The following CDH12 variants were observed in gnomAD, a reference collection of about 807,000 sequenced individuals.
CDH12 encodes the protein cadherin-12.
CDH12 carries 41 observed loss-of-function variants against 74.1 expected under a neutral mutation model. That is an observed-to-expected ratio of 0.55 (90% CI 0.43 to 0.72). CDH12 has a LOEUF of 0.72. CDH12 is among the 30% of genes least tolerant of loss of function. The pLI is 0.00. For missense variants in CDH12, 945 were observed against 977.2 expected, an observed-to-expected ratio of 0.97 and a Z score of 0.44; for synonymous variants, 399 against 355.0, an observed-to-expected ratio of 1.12 and a Z score of -1.39.
At chr5:22,117,493 A>C (rs796128304) in intron 4 of CDH12, among the ~76,000 whole-genome samples, 1 of 73,304 alleles carries the variant, frequency 1.4e-5, no homozygotes, top group Non-Finnish European at 2.4e-5. Context: ...TATATATTAT[A>C]TATATATAAT....
intron 5 of CDH12, among the ~76,000 whole-genome samples, chr5:22,048,059 G>C (rs1740087582): frequency 6.6e-6 from 1 of 152,274 alleles, no homozygotes; most frequent in African/African-American, 2.4e-5. Context: ...GGGTAGGGGT[G>C]TGAGACAGGC....
rs551565283 is a variant in CDH12 at position 21,878,604 on chromosome 5, A to G, written c.527-23814T>C. On this transcript the variant is annotated intron_variant, in intron 6 of 14. Coordinates refer to ENST00000382254, the MANE Select transcript of CDH12 (RefSeq NM_004061.5). ...AAAAAAAAAAAAAAATTAGCCAGGC[A>G]TGGTGGCATGGCCTGTGGTCCCAGC... 1.0e-4 allele frequency among the ~76,000 whole-genome samples: 15 copies of G among 146,960 alleles called. No homozygotes were observed. In the South Asian group the frequency reaches 3.0e-3, roughly 29 times the overall value.
intron 6 of CDH12, among the ~76,000 whole-genome samples, chr5:21,864,931 A>G (rs866717745): frequency 1.3e-5 from 2 of 152,342 alleles, no homozygotes; most frequent in Middle Eastern, 3.4e-3. Context: ...AAGGTATTGG[A>G]AACTGGAATA....
At chr5:22,346,481 A>G (rs947850691) in intron 3 of CDH12, among the ~76,000 whole-genome samples, 1 of 152,224 alleles carries the variant, frequency 6.6e-6, no homozygotes, top group African/African-American at 2.4e-5. Flanking sequence ...TTTGAGAGAA[A>G]ATATCACCTT....
At chr5:22,674,537 G>C (rs879725122) in intron 1 of CDH12, among the ~76,000 whole-genome samples, 8 of 152,152 alleles carry the variant, frequency 5.3e-5, no homozygotes, top group Admixed American at 1.3e-4. Flanking sequence ...GTGGGGTGCT[G>C]CTGAAAAGAT....
intron 4 of CDH12, among the ~76,000 whole-genome samples, chr5:22,204,948 C>T (rs975631126): frequency 2.0e-5 from 3 of 152,092 alleles, no homozygotes; most frequent in African/African-American, 7.2e-5. Context: ...TTCTTTAGTT[C>T]CCCTCTCCCA....
intron 4 of CDH12, among the ~76,000 whole-genome samples, chr5:22,144,877 A>T (rs190533417): frequency 1.3e-5 from 2 of 152,258 alleles, no homozygotes; most frequent in East Asian, 1.9e-4. Context: ...TAAAATTTTA[A>T]ATTACTATCT....
Position 21,765,236 on chromosome 5 carries a change from G to C in CDH12, c.1394-137C>G, listed in dbSNP as rs565213496. 8 of 616,432 alleles carry C rather than the reference G, an allele frequency of 1.3e-5. No homozygotes were observed. In the South Asian group the frequency reaches 2.5e-4, roughly 19 times the overall value. The allele number at this position is 616,432 out of a possible 1,614,324, so 38.2% of individuals were successfully genotyped here. A position where few individuals can be genotyped will look rare whatever the true frequency, so the allele number is the denominator to read the frequency against. ...AAATCCTTCTTATAGGAAATCCTGG[G>C]GGTTCCAACTACAAGATGATAAAGG... On this transcript the variant is annotated intron_variant, in intron 11 of 14. Coordinates refer to ENST00000382254, the MANE Select transcript of CDH12 (RefSeq NM_004061.5).
At chr5:22,818,795 C>T (rs986665753) in intron 1 of CDH12, among the ~76,000 whole-genome samples, 4 of 152,012 alleles carry the variant, frequency 2.6e-5, no homozygotes, top group Non-Finnish European at 5.9e-5. Context: ...TGAAATATGC[C>T]TAGAAAAGGA....
At chr5:22,465,873 CT>C (rs2126594777) in intron 2 of CDH12, among the ~76,000 whole-genome samples, 1 of 152,214 alleles carries the variant, frequency 6.6e-6, no homozygotes, top group South Asian at 2.1e-4. Flanking sequence ...ACTATAATAG[CT>C]CACTCTCTGC....
chr5:22,616,621 C>T (rs540106949), intron 1 of CDH12, among the ~76,000 whole-genome samples: 2 of 151,966 alleles, frequency 1.3e-5, no homozygotes, highest in South Asian at 2.1e-4. Context: ...TGTATACATA[C>T]ATATAATCTC....
At chr5:22,321,542 C>T (rs1223032408) in intron 3 of CDH12, among the ~76,000 whole-genome samples, 1 of 142,846 alleles carries the variant, frequency 7.0e-6, no homozygotes, top group African/African-American at 2.6e-5. Flanking sequence ...ATACCTAATG[C>T]TAGATGACGA....
intron 1 of CDH12, among the ~76,000 whole-genome samples, chr5:22,595,781 A>G (rs1392944956): frequency 1.3e-5 from 2 of 152,096 alleles, no homozygotes; most frequent in Non-Finnish European, 2.9e-5. Flanking sequence ...TGTTTCTGAA[A>G]AGCCAGGCAT....
chr5:22,372,406 C>A (rs1741332341), intron 3 of CDH12, among the ~76,000 whole-genome samples: 1 of 152,056 alleles, frequency 6.6e-6, no homozygotes, highest in Non-Finnish European at 1.5e-5. Context: ...CACATTCCTG[C>A]ACAGACTTCC....
intron 4 of CDH12, among the ~76,000 whole-genome samples, chr5:22,195,983 C>T (rs1750594296): frequency 6.6e-6 from 1 of 151,830 alleles, no homozygotes; most frequent in Non-Finnish European, 1.5e-5. Flanking sequence ...AGAATTTAAC[C>T]TAGATGTTTA....
intron 1 of CDH12, among the ~76,000 whole-genome samples, chr5:22,703,619 T>C (rs1410624762): frequency 6.6e-6 from 1 of 152,154 alleles, no homozygotes. Flanking sequence ...AAGAAAAATG[T>C]GGCAAAAAAA....
chr5:22,690,964 AC>A (rs775592114), intron 1 of CDH12, among the ~76,000 whole-genome samples: 21 of 152,094 alleles, frequency 1.4e-4, no homozygotes, highest in Non-Finnish European at 3.1e-4. Context: ...CAAACCCAAT[AC>A]CACAGATGGA....
chr5:22,602,754 G>A (rs1275119013), intron 1 of CDH12, among the ~76,000 whole-genome samples: 6 of 152,048 alleles, frequency 3.9e-5, no homozygotes, highest in Non-Finnish European at 7.4e-5. Flanking sequence ...TTTCACTTAT[G>A]ATACACTATA....
intron 3 of CDH12, among the ~76,000 whole-genome samples, chr5:22,327,874 T>C (rs1325903803): frequency 6.6e-6 from 1 of 152,186 alleles, no homozygotes; most frequent in Non-Finnish European, 1.5e-5. Flanking sequence ...AAGTTCTAAT[T>C]TGATAAATAG....
Sources: gnomAD v4.1 joint callset for allele counts (sites outside exome capture counted in the v4.1 genomes callset) on GRCh38, gnomAD v4.1.1 for gene constraint, MANE v1.5 for transcripts, NCBI Gene and HGNC (gene_info 2026-07-23, HGNC 2026-07-21) for gene names.